The following MGAM variants were observed in gnomAD, a reference collection of about 807,000 sequenced individuals.
MGAM encodes the protein alpha-1,4-glucosidase.
MGAM carries 253 observed loss-of-function variants against 358.8 expected under a neutral mutation model. The ratio of observed to expected loss-of-function variants is 0.71; its 90% CI spans 0.64 to 0.78. The LOEUF is 0.78. MGAM is among the 30% of genes least tolerant of loss of function. The pLI, the probability that MGAM is intolerant of heterozygous loss-of-function variation, is 0.00. For synonymous variants in MGAM, 1,105 were observed against 1,227.1 expected (o/e 0.90, Z 2.08); for missense variants, 3,080 against 3,432.6 (o/e 0.90, Z 2.57).
intron 57 of MGAM, among the ~76,000 whole-genome samples, chr7:142,088,823 ATCTAT>A (rs1815068519): frequency 6.3e-5 from 1 of 15,854 alleles, no homozygotes; most frequent in Admixed American, 8.7e-4. Flanking sequence ...TCTATGTACC[ATCTAT>A]CTATCTATCT....
chr7:142,102,742 G>GT (rs1816547890), intron 69 of MGAM, 63 bp downstream of exon 69: 3 of 1,470,100 alleles, frequency 2.0e-6, no homozygotes, highest in Non-Finnish European at 2.8e-6. Flanking sequence ...GCTGAATATC[G>GT]TAAGGGCATA....
chr7:142,008,368 T>C (rs1805329051), intron 2 of MGAM, 138 bp from the exon 3 acceptor site: 1 of 881,662 alleles, frequency 1.1e-6, no homozygotes, highest in Admixed American at 2.9e-5. Flanking sequence ...TGACATTTTA[T>C]AAAGTGAATG....
chr7:141,987,870 C>T (rs1554446512), intron 2 of MGAM, among the ~76,000 whole-genome samples: 1 of 152,210 alleles, frequency 6.6e-6, no homozygotes, highest in East Asian at 1.9e-4. Context: ...TTTAACCCCA[C>T]CACTATATGA....
rs779664504 is a variant in MGAM, at chr7:142,054,872, G to C, written c.3278G>C (p.Gly1093Ala). The C allele has an allele frequency of 1.2e-6, 2 of 1,613,886 alleles. No individual in the cohort carries two copies. The highest frequency in any genetic ancestry group is 1.7e-6 in the Non-Finnish European group (2 of 1,179,804). The change falls in exon 27 of 71, where the codon GGG (glycine) becomes GCG (alanine). Residue 1093 changes from glycine (G) to alanine (A), a missense_variant. By Grantham distance (60) the Gly-to-Ala change is moderately conservative. Around this residue, in one of 5 missense-constraint regions of MGAM, gnomAD observed 1,816 missense variants for 1,840.5 expected, o/e 0.99. Transcript: ENST00000475668. ...YDVLIKKNPF[G>A]IEIRRKSTGT... The stretch of plus-strand genomic sequence containing the variant: ...GTGCTCATTAAGAAGAATCCATTTG[G>C]GATTGAAATTCGCCGGAAGAGTACA...
intron 19 of MGAM, among the ~76,000 whole-genome samples, chr7:142,039,335 C>G (rs1234301503): frequency 3.9e-5 from 6 of 151,978 alleles, no homozygotes; most frequent in Non-Finnish European, 8.8e-5. Flanking sequence ...CTGCTGACCT[C>G]AGATGATCCA....
At chr7:142,044,169 C>CACATACGATATATAATATATA (rs1809597889) in intron 21 of MGAM, among the ~76,000 whole-genome samples, 1 of 136,222 alleles carries the variant, frequency 7.3e-6, no homozygotes, top group African/African-American at 2.7e-5. Flanking sequence ...ATAATATATA[C>CACATACGATATATAATATATA]ATTATATACA....
chr7:142,077,453 T>A lies in MGAM; in HGVS notation c.5493+627T>A, dbSNP rs181747018. Among the ~76,000 whole-genome samples, 546 of 145,510 alleles carry A rather than the reference T, an allele frequency of 3.8e-3. 24 individuals are homozygous for A. The highest frequency in any genetic ancestry group is 0.012 in the African/African-American group (493 of 41,132). ...GAATGTGATTTTATTACTCCAGACGTGTGAGAACTTTAACTTGGGAAGTGC... is the reference window on the plus strand; with the variant it reads ...GAATGTGATTTTATTACTCCAGACGAGTGAGAACTTTAACTTGGGAAGTGC... On this transcript the variant is annotated intron_variant, in intron 47 of 70. Coordinates refer to ENST00000475668, the MANE Select transcript of MGAM (RefSeq NM_001365693.1).
rs1275458497 is a variant in MGAM at position 142,084,483 on chromosome 7, T to C, written c.6382-36T>C. ...ATGTAAAACTTCAATCTGGTGTCTC[T>C]GTTCTGAGGACTAATATTTTCTGTC... On this transcript the variant is annotated intron_variant, in intron 53 of 70. Coordinates refer to ENST00000475668, the MANE Select transcript of MGAM (RefSeq NM_001365693.1). 7 of 1,545,172 alleles carry C rather than the reference T, an allele frequency of 4.5e-6. 2 individuals carry two copies. The highest frequency in any genetic ancestry group is 6.2e-6 in the Non-Finnish European group (7 of 1,124,734).
At chr7:141,990,429 C>A (rs906620502) in intron 2 of MGAM, among the ~76,000 whole-genome samples, 5 of 152,218 alleles carry the variant, frequency 3.3e-5, no homozygotes, top group South Asian at 4.1e-4. Flanking sequence ...AGCAGATAAT[C>A]CAGTGTTTTG....
Position 142,052,897 on chromosome 7 carries a change from C to G in MGAM, c.3072C>G (p.Ser1024=). The G allele has an allele frequency of 6.2e-7, 1 of 1,613,818 alleles. No homozygotes were observed. Among genetic ancestry groups the G allele is most frequent in the East Asian group, 2.2e-5 (1 of 44,860 alleles). The change falls in exon 26 of 71, where the codon TCC becomes TCG. Residue 1024 remains serine, a synonymous_variant. Transcript: ENST00000475668. ...CAGCTGACATCTCCTTAAAGTCTTC[C>G]GTTTATGCCAATGCCTTCCCCTCCA... The part of the protein sequence containing the change: ...GATADISLKS[S]VYANAFPSTP...
At chr7:141,997,069 C>T (rs782430528) in intron 1 of MGAM, among the ~76,000 whole-genome samples, 2 of 152,160 alleles carry the variant, frequency 1.3e-5, no homozygotes, top group African/African-American at 2.4e-5. Context: ...GCTAGACACA[C>T]GCAGGCATTT....
Position 142,005,520 on chromosome 7 carries a change from AC to A in MGAM, c.-2-8del. The stretch of plus-strand genomic sequence containing the variant: ...TTCAAATCTAAAATTGTTTTCTCTT[AC>A]ATTTTAGAGATGGCAAGAAAGAAGC... On this transcript the variant is annotated splice_polypyrimidine_tract_variant and splice_region_variant and intron_variant, in intron 1 of 70. Coordinates refer to ENST00000475668, the MANE Select transcript of MGAM (RefSeq NM_001365693.1). The A allele has an allele frequency of 6.6e-7, 1 of 1,510,752 alleles. No individual in the cohort carries two copies. The highest frequency in any genetic ancestry group is 8.9e-7 in the Non-Finnish European group (1 of 1,128,244). The allele number at this position is 1,510,752 out of a possible 1,614,324, so 93.6% of individuals were successfully genotyped here. A position where few individuals can be genotyped will look rare whatever the true frequency, so the allele number is the denominator to read the frequency against.
At position 142,059,659 on chromosome 7, in the gene MGAM, G is replaced by C; in HGVS notation, c.3948+59G>C. The C allele has an allele frequency of 4.4e-6, 7 of 1,604,524 alleles. No individual in the cohort carries two copies. In the South Asian group the frequency reaches 7.7e-5, roughly 18 times the overall value. On this transcript the variant is annotated intron_variant, in intron 32 of 70. Coordinates refer to ENST00000475668, the MANE Select transcript of MGAM (RefSeq NM_001365693.1). ...GGGAGCAGGTATGGGCTTTGGTGGA[G>C]TCAGAGTTATACTTTATTTCCATGT...
Position 142,052,427 on chromosome 7 carries a change from C to A in MGAM, c.2939C>A (p.Ala980Asp). ...GGTGCTTCTGCCGAAAACTGCACTG[C>A]CCGTGGCTGTATCTGGGAGGTAACC... is the stretch of plus-strand genomic sequence containing the variant. ...ENGASAENCTARGCIWEASNS... is the reference protein window; with the variant it reads ...ENGASAENCTDRGCIWEASNS... The change falls in exon 25 of 71, where the codon GCC (alanine) becomes GAC (aspartate). Residue 980 changes from alanine to aspartate, a missense_variant. Around this residue, in one of 5 missense-constraint regions of MGAM, gnomAD observed 1,816 missense variants for 1,840.5 expected, o/e 0.99. Coordinates refer to ENST00000475668, the MANE Select transcript of MGAM (RefSeq NM_001365693.1). 6.2e-7 allele frequency: 1 copy of A among 1,613,436 alleles called. No homozygotes were observed. The highest frequency in any genetic ancestry group is 8.5e-7 in the Non-Finnish European group (1 of 1,179,714).
rs1351450377 is a variant in MGAM, at chr7:142,040,184, G to A, written c.2373+13G>A. On this transcript the variant is annotated intron_variant, in intron 20 of 70. Transcript: ENST00000475668. ...TGACTACGAGACTGTAAGTAGCTTT[G>A]ACTTTTCTTCTACTCCTTAAGACTG... is the stretch of plus-strand genomic sequence containing the variant. 1.2e-6 allele frequency: 2 copies of A among 1,604,200 alleles called. No individual in the cohort carries two copies. The highest frequency in any genetic ancestry group is 1.3e-5 in the African/African-American group (1 of 74,740).
rs962095442 is a variant in MGAM, at chr7:142,034,549, G to T, written c.1788-121G>T. On this transcript the variant is annotated intron_variant, in intron 15 of 70. Coordinates refer to ENST00000475668, the MANE Select transcript of MGAM (RefSeq NM_001365693.1). ...TCCCAACAGGGACTCTAATTGTACC[G>T]AAAGAGAGTTGGAAGAGAATGGGTT... 22 of 1,036,770 alleles carry T rather than the reference G, an allele frequency of 2.1e-5. No homozygotes were observed. The East Asian group carries it at 5.2e-4, about 24-fold the overall frequency. The allele number at this position is 1,036,770 out of a possible 1,614,324, so 64.2% of individuals were successfully genotyped here. A position where few individuals can be genotyped will look rare whatever the true frequency, so the allele number is the denominator to read the frequency against.
chr7:142,040,458 A>G, intron 20 of MGAM: 1 of 584,754 alleles, frequency 1.7e-6, no homozygotes, highest in Admixed American at 3.2e-5. Flanking sequence ...GAGCTTGGTC[A>G]GGAATCAGAC....
At chr7:142,100,956 C>A (rs1388470447) in intron 68 of MGAM, 66 bp downstream of exon 68, 3 of 1,335,288 alleles carry the variant, frequency 2.2e-6, no homozygotes, top group Non-Finnish European at 3.1e-6. Flanking sequence ...ATCTTACAGG[C>A]CTGCTTTCAC....
chr7:142,065,552 G>C (rs764071992), intron 38 of MGAM, 36 bp from the exon 39 acceptor site: 47 of 1,613,874 alleles, frequency 2.9e-5, no homozygotes, highest in African/African-American at 8.0e-5. Flanking sequence ...CAGATCATGA[G>C]AGCCTGGTGT....
Sources: allele counts gnomAD v4.1 joint callset (sites outside exome capture counted in the v4.1 genomes callset), GRCh38; gene constraint gnomAD v4.1.1; regional missense constraint gnomAD v4.1.1; transcripts MANE v1.5; gene names NCBI Gene and HGNC (gene_info 2026-07-23, HGNC 2026-07-21).